The following ST7 variants were observed in gnomAD, a reference collection of about 807,000 sequenced individuals.
ST7 encodes suppressor of tumorigenicity 7 protein.
ST7 carries 28 observed loss-of-function variants against 78.7 expected under a neutral mutation model. The ratio of observed to expected loss-of-function variants is 0.36; its 90% confidence interval spans 0.26 to 0.49. The LOEUF is 0.49. ST7 is among the 20% of genes least tolerant of loss of function. The pLI is 0.99. For missense variants in ST7, 418 were observed against 696.0 expected (o/e 0.60, Z 4.49); for synonymous variants, 247 against 249.6 (o/e 0.99, Z 0.10).
At chr7:117,000,032 C>T (rs1311536516) in intron 1 of ST7, among the ~76,000 whole-genome samples, 8 of 151,972 alleles carry the variant, frequency 5.3e-5, no homozygotes, top group African/African-American at 1.2e-4. Context: ...AGGATGGTCT[C>T]GATCTCCTGA....
chr7:117,145,159 T>A lies in ST7; in HGVS notation c.963+6627T>A, dbSNP rs574721478. Among the ~76,000 whole-genome samples the A allele has an allele frequency of 2.0e-5, 3 of 152,198 alleles. 1 individual carries two copies. The South Asian group carries it at 6.2e-4, about 32-fold the overall frequency. On this transcript the variant is annotated intron_variant, in intron 9 of 15. Coordinates refer to ENST00000323984, the MANE Select transcript of ST7 (RefSeq NM_001369598.1). ...AGTTAAGGCTGCAGTGAGCCATGAT[T>A]GTGCTACTGCATTCCAGCCTGGGCA...
intron 9 of ST7, among the ~76,000 whole-genome samples, chr7:117,167,053 C>T (rs1343831374): frequency 1.4e-5 from 2 of 143,526 alleles, no homozygotes; most frequent in African/African-American, 2.5e-5. Flanking sequence ...GGTAATGATT[C>T]TTTTTTTTTT....
intron 9 of ST7, among the ~76,000 whole-genome samples, chr7:117,165,321 A>G (rs1807462200): frequency 6.6e-6 from 1 of 152,136 alleles, no homozygotes; most frequent in African/African-American, 2.4e-5. Flanking sequence ...GGTGACAGAG[A>G]CTTCTCTAGA....
chr7:117,046,741 A>G (rs991662650), intron 1 of ST7, among the ~76,000 whole-genome samples: 1 of 152,212 alleles, frequency 6.6e-6, no homozygotes, highest in African/African-American at 2.4e-5. Flanking sequence ...GAATTTAAAC[A>G]TGGAAGAATG....
At chr7:117,018,417 A>G (rs1369844153) in intron 1 of ST7, among the ~76,000 whole-genome samples, 2 of 152,040 alleles carry the variant, frequency 1.3e-5, no homozygotes, top group East Asian at 3.9e-4. Flanking sequence ...GAAGGTATAC[A>G]TTTTTATTAA....
At chr7:116,984,468 C>T (rs1419750183) in intron 1 of ST7, among the ~76,000 whole-genome samples, 1 of 152,050 alleles carries the variant, frequency 6.6e-6, no homozygotes. Flanking sequence ...GTTACGTGTG[C>T]CCTAAACTAA....
intron 2 of ST7, among the ~76,000 whole-genome samples, chr7:117,103,709 C>A (rs1038698601): frequency 6.6e-6 from 1 of 152,044 alleles, no homozygotes; most frequent in Non-Finnish European, 1.5e-5. Context: ...TTGTGTGAGA[C>A]CTCAAAGCAC....
intron 1 of ST7, among the ~76,000 whole-genome samples, chr7:117,051,622 G>A (rs1286367244): frequency 2.0e-5 from 3 of 152,204 alleles, no homozygotes; most frequent in Non-Finnish European, 4.4e-5. Context: ...GGAGGGAATA[G>A]ATAGAGCAGG....
intron 1 of ST7, among the ~76,000 whole-genome samples, chr7:116,975,317 A>G (rs1793643040): frequency 6.6e-6 from 1 of 152,142 alleles, no homozygotes; most frequent in Non-Finnish European, 1.5e-5. Context: ...AGTCCCTCCC[A>G]TGACACATGA....
chr7:117,207,473 G>A (rs555542931), intron 12 of ST7, among the ~76,000 whole-genome samples: 189 of 152,272 alleles, frequency 1.2e-3, no homozygotes, highest in African/African-American at 4.1e-3. Flanking sequence ...ACAAATGTGG[G>A]TGACTACCAG....
intron 2 of ST7, among the ~76,000 whole-genome samples, chr7:117,101,076 T>G (rs1384863675): frequency 1.3e-5 from 2 of 151,858 alleles, no homozygotes; most frequent in African/African-American, 4.8e-5. Flanking sequence ...GATGAAGAAA[T>G]GTATGGAGGA....
intron 1 of ST7, among the ~76,000 whole-genome samples, chr7:117,080,424 A>C (rs981918983): frequency 6.6e-6 from 1 of 152,070 alleles, no homozygotes; most frequent in African/African-American, 2.4e-5. Flanking sequence ...GCTGCATACT[A>C]TTCTATCATA....
intron 1 of ST7, among the ~76,000 whole-genome samples, chr7:117,027,286 C>G (rs1031294019): frequency 1.3e-5 from 2 of 151,784 alleles, no homozygotes; most frequent in African/African-American, 4.8e-5. Flanking sequence ...TACTGAAATA[C>G]AAAAATTAGC....
At position 117,190,816 on chromosome 7, in the gene ST7, TG is replaced by T; in HGVS notation, c.1152-17del. The T allele has an allele frequency of 6.2e-7, 1 of 1,612,164 alleles. No homozygotes were observed. Among genetic ancestry groups the T allele is most frequent in the South Asian group, 1.1e-5 (1 of 91,026 alleles). ...GCAGTGGTCCCACCTGGATGGTTTTTGTCTTTCTGCTTTTCAGATTCTCTCC... is the reference window on the plus strand; with the variant it reads ...GCAGTGGTCCCACCTGGATGGTTTTTTCTTTCTGCTTTTCAGATTCTCTCC... On this transcript the variant is annotated splice_polypyrimidine_tract_variant and intron_variant, in intron 11 of 15. Transcript: ENST00000323984. This position sits in a 1 kb window ranked among gnomAD's most constrained non-coding sequence, Gnocchi z 5.2.
intron 1 of ST7, among the ~76,000 whole-genome samples, chr7:116,993,432 A>C (rs1794513980): frequency 6.6e-6 from 1 of 152,188 alleles, no homozygotes; most frequent in Non-Finnish European, 1.5e-5. Context: ...CTTGTTCACT[A>C]CCATGGGAAC....
chr7:117,141,505 T>C (rs909430946), intron 9 of ST7, among the ~76,000 whole-genome samples: 1 of 152,210 alleles, frequency 6.6e-6, no homozygotes, highest in African/African-American at 2.4e-5. Context: ...AGCAACACGT[T>C]AATTATTTTG....
At chr7:117,082,808 G>T (rs1035128948) in intron 1 of ST7, among the ~76,000 whole-genome samples, 4 of 152,190 alleles carry the variant, frequency 2.6e-5, no homozygotes, top group Non-Finnish European at 5.9e-5. Flanking sequence ...AGCAGTCATA[G>T]ACATTACATA....
chr7:117,058,619 C>T (rs1798188469), intron 1 of ST7, among the ~76,000 whole-genome samples: 1 of 152,140 alleles, frequency 6.6e-6, no homozygotes, highest in South Asian at 2.1e-4. Flanking sequence ...CATATCCATC[C>T]TGTGTTTTAT....
chr7:117,119,655 A>T lies in ST7; in HGVS notation c.329A>T (p.Asn110Ile), dbSNP rs886632475. Residue 110 changes from asparagine to isoleucine, a missense_variant, in exon 3 of 16, where the codon AAC becomes ATC. Transcript: ENST00000323984. The stretch of plus-strand genomic sequence containing the variant: ...CGCCCCCTTCTGGGAGGGGTTGACA[A>T]CAACTCTTCCAACAATTCTAATTCC... ...HLRPLLGGVDNNSSNNSNSSN... is the reference protein window; with the variant it reads ...HLRPLLGGVDINSSNNSNSSN... The T allele has an allele frequency of 1.9e-6, 3 of 1,613,946 alleles. No homozygotes were observed. Among genetic ancestry groups the T allele is most frequent in the Non-Finnish European group, 1.7e-6 (2 of 1,180,008 alleles).
Sources: gnomAD v4.1 joint callset for allele counts (sites outside exome capture counted in the v4.1 genomes callset) on GRCh38, gnomAD v4.1.1 for gene constraint, Gnocchi (gnomAD v3.1) non-coding constraint, MANE v1.5 for transcripts, NCBI Gene and HGNC (gene_info 2026-07-23, HGNC 2026-07-21) for gene names.